Variants in UBR2 observed in about 807,000 individuals in gnomAD.
UBR2 encodes the protein E3 ubiquitin-protein ligase UBR2.
In UBR2, 92 loss-of-function variants were observed where a neutral mutation model predicts 247.9. The observed-to-expected ratio is 0.37, with a 90% CI of 0.31 to 0.44. The LOEUF (loss-of-function observed/expected upper bound fraction) is 0.44. Ranked by LOEUF, UBR2 falls within the 20% of genes least tolerant of loss-of-function variation. The probability of loss-of-function intolerance (pLI) is 1.00; values close to 1 mark genes in which losing one functional copy is unlikely to be tolerated. For synonymous variants in UBR2, 672 were observed against 693.5 expected (o/e 0.97, Z 0.49); for missense variants, 1,613 against 2,112.6 (o/e 0.76, Z 4.64).
At chr6:42,685,262 G>A (rs557833384) in intron 44 of UBR2, among the ~76,000 whole-genome samples, 1 of 152,236 alleles carries the variant, frequency 6.6e-6, no homozygotes, top group East Asian at 1.9e-4. Flanking sequence ...AGTGAGCCAA[G>A]ATTGAGCAAT....
chr6:42,600,576 A>G (rs1434380524), intron 4 of UBR2, among the ~76,000 whole-genome samples: 1 of 143,826 alleles, frequency 7.0e-6, no homozygotes, highest in African/African-American at 2.6e-5. Context: ...TTGTGTACGG[A>G]GATGGCAGAA....
intron 17 of UBR2, among the ~76,000 whole-genome samples, chr6:42,642,086 C>A (rs2151958725): frequency 3.3e-5 from 5 of 151,594 alleles, no homozygotes; most frequent in Admixed American, 3.3e-4. Flanking sequence ...TTTCCAAGAT[C>A]AGACAAGATC....
intron 42 of UBR2, among the ~76,000 whole-genome samples, chr6:42,682,836 G>A (rs1799134666): frequency 6.6e-6 from 1 of 152,134 alleles, no homozygotes; most frequent in African/African-American, 2.4e-5. Flanking sequence ...GATGTTTATA[G>A]TCACAAATTG....
chr6:42,614,240 A>C (rs74691306), intron 8 of UBR2, among the ~76,000 whole-genome samples: 6,914 of 39,480 alleles, frequency 0.18, 1,085 homozygotes, highest in East Asian at 0.36. Context: ...ACACACACAC[A>C]CACACGCGCG....
rs59248267 is a variant in UBR2 at position 42,659,520 on chromosome 6, TACACACACACAC to T, written c.3243-105_3243-94del. Reference sequence around the variant, plus strand: ...GTCTCAAAAAATAAATAAATATATATACACACACACACACACACACACACACACACACACACA... The same window carrying T: ...GTCTCAAAAAATAAATAAATATATATACACACACACACACACACACACACA... On this transcript the variant is annotated intron_variant, in intron 29 of 46. Coordinates refer to ENST00000372901, the MANE Select transcript of UBR2 (RefSeq NM_001363705.2). This position sits in a 1 kb window ranked among gnomAD's most constrained non-coding sequence, Gnocchi z 4.3. The T allele has an allele frequency of 1.2e-3, 606 of 502,928 alleles. 3 individuals carry two copies. The highest frequency in any genetic ancestry group is 6.6e-3 in the East Asian group (184 of 28,078). The allele number at this position is 502,928 out of a possible 1,614,324, so 31.2% of individuals were successfully genotyped here.
In UBR2 at chr6:42,667,321, C is replaced by T. The variant is rs377166865; in HGVS notation, c.3881+1076C>T. Among the ~76,000 whole-genome samples, 70 of 151,006 alleles carry T rather than the reference C, an allele frequency of 4.6e-4. No individual in the cohort carries two copies. The East Asian group carries it at 0.011, about 23-fold the overall frequency. On this transcript the variant is annotated intron_variant, in intron 34 of 46. Coordinates refer to ENST00000372901, the MANE Select transcript of UBR2 (RefSeq NM_001363705.2). ...ACTGCTCTCCAGCCTGGGCGACAGA[C>T]CAAGACCCTATCTCAAAAAAAAAAA...
rs749067662 is a variant in UBR2 at position 42,635,441 on chromosome 6, A to G, written c.1569A>G (p.Gln523=). The change falls in exon 14 of 47, where the codon CAA becomes CAG. Residue 523 remains glutamine (Q), a synonymous_variant. Coordinates refer to ENST00000372901, the MANE Select transcript of UBR2 (RefSeq NM_001363705.2). The part of the protein sequence containing the change: ...CMQGMDPITR[Q]VGQHIEMEPE... ...AGGGAATGGATCCAATTACACGTCA[A>G]GTAGGACAACATATTGAAATGGAAC... The G allele has an allele frequency of 1.9e-6, 3 of 1,613,860 alleles. No individual in the cohort carries two copies. The highest frequency in any genetic ancestry group is 2.2e-5 in the South Asian group (2 of 91,000).
intron 1 of UBR2, among the ~76,000 whole-genome samples, chr6:42,573,199 G>A (rs1413045753): frequency 2.6e-5 from 4 of 152,092 alleles, no homozygotes; most frequent in Non-Finnish European, 4.4e-5. Context: ...GGCATAATTG[G>A]TACAACAGTC....
Position 42,637,498 on chromosome 6 carries a change from T to G in UBR2, c.1858+304T>G, listed in dbSNP as rs145609683. On this transcript the variant is annotated intron_variant, in intron 15 of 46. Transcript: ENST00000372901. ...ATAGCCGTTATACCATAGTGCTTCT[T>G]TAGACAACTACAGATACCACGTTTT... Among the ~76,000 whole-genome samples, 4 of 90,764 alleles carry G rather than the reference T, an allele frequency of 4.4e-5. No homozygotes were observed. The East Asian group carries it at 1.4e-3, about 33-fold the overall frequency. 59.5% of individuals were successfully genotyped at this position (90,764 alleles called of 152,430 possible).
In UBR2 at chr6:42,605,738, A is replaced by G; in HGVS notation, c.680A>G (p.Tyr227Cys). ...TCACACAGAGAGAAGAGTGACACCT[A>G]CTATTGCATGCTGTTTAATGATGAG... Reference protein sequence around the residue: ...DLEMVEKSDTYYCMLFNDEVH... With the variant: ...DLEMVEKSDTCYCMLFNDEVH... Residue 227 changes from tyrosine (Y) to cysteine (C), a missense_variant, in exon 6 of 47, where the codon TAC becomes TGC. Physicochemically the swap from Tyr to Cys is radical, Grantham distance 194. Transcript: ENST00000372901. 1 of 1,608,208 alleles carries G rather than the reference A, an allele frequency of 6.2e-7. No individual in the cohort carries two copies. Among genetic ancestry groups the G allele is most frequent in the Admixed American group, 1.7e-5 (1 of 58,826 alleles).
In UBR2 at chr6:42,615,997, A is replaced by G. The variant is rs776246721; in HGVS notation, c.1094-5A>G. 8 of 1,571,894 alleles carry G rather than the reference A, an allele frequency of 5.1e-6. No individual in the cohort carries two copies. The highest frequency in any genetic ancestry group is 5.2e-6 in the Non-Finnish European group (6 of 1,164,040). On this transcript the variant is annotated splice_region_variant and splice_polypyrimidine_tract_variant and intron_variant, in intron 9 of 46. Transcript: ENST00000372901. ...TTATCTTATACCGTGATCTTTTTCT[A>G]CAAGGTGCTAGGAGTGTATATCATC...
chr6:42,642,568 T>A, intron 18 of UBR2, 87 bp downstream of exon 18: 2 of 1,131,224 alleles, frequency 1.8e-6, no homozygotes, highest in Non-Finnish European at 2.6e-6. Context: ...TTGTGATCAC[T>A]CCCAAATCTA....
intron 2 of UBR2, among the ~76,000 whole-genome samples, chr6:42,588,914 G>A (rs73438685): frequency 0.023 from 3,551 of 152,232 alleles, 124 homozygotes; most frequent in African/African-American, 0.08. Context: ...GTTATTCCTT[G>A]TCAAGTTGAG....
intron 2 of UBR2, 145 bp from the exon 3 acceptor site, chr6:42,592,006 T>A (rs1267796511): frequency 1.4e-6 from 1 of 722,278 alleles, no homozygotes; most frequent in Non-Finnish European, 2.2e-6. Flanking sequence ...ATCTGACAGA[T>A]CTTTGGGAAT....
In UBR2 at chr6:42,684,841, G is replaced by A; in HGVS notation, c.4823G>A (p.Ser1608Asn). 2.5e-6 allele frequency: 4 copies of A among 1,612,338 alleles called. No homozygotes were observed. The highest frequency in any genetic ancestry group is 3.4e-6 in the Non-Finnish European group (4 of 1,179,126). ...NKLINLPEDY[S>N]SLINQASNFS... ...TTAATAAACCTTCCAGAGGATTACA[G>A]CAGCCTCATTAATCAAGCATCCAAT... Residue 1608 changes from serine to asparagine, a missense_variant, in exon 44 of 47, where the codon AGC (serine) becomes AAC (asparagine). Around this residue, in one of 3 missense-constraint regions of UBR2, gnomAD observed 1,524 missense variants for 1,967.3 expected, o/e 0.77. Transcript: ENST00000372901.
At chr6:42,568,389 T>C (rs1415276752) in intron 1 of UBR2, among the ~76,000 whole-genome samples, 1 of 152,204 alleles carries the variant, frequency 6.6e-6, no homozygotes. Flanking sequence ...ATTCAACATA[T>C]TGTCATTTGT....
At position 42,648,170 on chromosome 6, in the gene UBR2, A is replaced by C; in HGVS notation, c.2462A>C (p.Lys821Thr). The C allele has an allele frequency of 1.2e-6, 2 of 1,613,340 alleles. No individual in the cohort carries two copies. The highest frequency in any genetic ancestry group is 2.2e-5 in the South Asian group (2 of 91,072). ...ESVIEAVAHF[K>T]KPGLTGRGMY... ...GTAATCGAAGCAGTTGCCCATTTCA[A>C]GTGAGTTTACTTCCTATTATTTCAC... The change falls in exon 22 of 47, where the codon AAG (lysine) becomes ACG (threonine). Residue 821 changes from lysine to threonine, a missense_variant and splice_region_variant. This residue lies in a region of UBR2 where 1,524 missense variants were observed against 1,967.3 expected (regional missense o/e 0.77). Coordinates refer to ENST00000372901, the MANE Select transcript of UBR2 (RefSeq NM_001363705.2).
intron 2 of UBR2, among the ~76,000 whole-genome samples, chr6:42,575,634 GT>G (rs1321635029): frequency 6.6e-6 from 1 of 152,100 alleles, no homozygotes; most frequent in Non-Finnish European, 1.5e-5. Context: ...GGTTTGTCTG[GT>G]TTTCGTAATT....
At chr6:42,577,389 G>A (rs1791588404) in intron 2 of UBR2, among the ~76,000 whole-genome samples, 1 of 151,998 alleles carries the variant, frequency 6.6e-6, no homozygotes, top group African/African-American at 2.4e-5. Flanking sequence ...AAATTGTGTT[G>A]GTCACAAATT....
Sources: gnomAD v4.1 joint callset for allele counts (sites outside exome capture counted in the v4.1 genomes callset) on GRCh38, gnomAD v4.1.1 for gene constraint, gnomAD v4.1.1 regional missense constraint, Gnocchi (gnomAD v3.1) non-coding constraint, MANE v1.5 for transcripts, NCBI Gene and HGNC (gene_info 2026-07-23, HGNC 2026-07-21) for gene names.